Variants in GTF2IRD1 observed in about 807,000 individuals in gnomAD.
GTF2IRD1 encodes the protein GTF2I repeat domain containing 1, also known as general transcription factor II-I repeat domain-containing protein 1.
GTF2IRD1 carries 26 observed loss-of-function variants against 113.2 expected under a neutral mutation model. The observed-to-expected ratio is 0.23, with a 90% CI of 0.17 to 0.32. The LOEUF (loss-of-function observed/expected upper bound fraction) is 0.32, where lower values mean the gene tolerates loss of function less well. Ranked by LOEUF, GTF2IRD1 falls within the 10% of genes least tolerant of loss-of-function variation. GTF2IRD1 has a pLI of 1.00. For missense variants in GTF2IRD1, 864 were observed against 1,280.8 expected (o/e 0.67, Z 4.97); for synonymous variants, 484 against 529.1 (o/e 0.91, Z 1.17).
At chr7:74,579,846 G>C (rs781990377) in intron 22 of GTF2IRD1, among the ~76,000 whole-genome samples, 1 of 152,090 alleles carries the variant, frequency 6.6e-6, no homozygotes, top group South Asian at 2.1e-4. Context: ...GCAGGCTGTG[G>C]TAGGGGATGG....
intron 9 of GTF2IRD1, among the ~76,000 whole-genome samples, chr7:74,534,691 C>T (rs989747844): frequency 2.6e-5 from 4 of 151,694 alleles, no homozygotes; most frequent in Non-Finnish European, 5.9e-5. Flanking sequence ...CCAGCCTGGG[C>T]GACAGAGCAA....
intron 1 of GTF2IRD1, among the ~76,000 whole-genome samples, chr7:74,471,676 AAAAAAAAAAAAAAC>A (rs1362424265): frequency 1.3e-4 from 10 of 79,230 alleles, no homozygotes; most frequent in Admixed American, 4.8e-4. Context: ...AATATTTAAA[AAAAAAAAAAAAAAC>A]AAAAAAAAAA....
chr7:74,461,029 C>A (rs1162999769), intron 1 of GTF2IRD1, among the ~76,000 whole-genome samples: 8 of 152,168 alleles, frequency 5.3e-5, no homozygotes, highest in African/African-American at 1.9e-4. Context: ...ACCTTCCGCC[C>A]GCCTGGGCAG....
intron 1 of GTF2IRD1, among the ~76,000 whole-genome samples, chr7:74,464,503 G>A (rs1554330342): frequency 6.6e-6 from 1 of 152,124 alleles, no homozygotes; most frequent in Non-Finnish European, 1.5e-5. Context: ...CTGGAGTGTA[G>A]TGGTGTGATC....
In GTF2IRD1 at chr7:74,542,683, C is replaced by G. The variant is rs782636969; in HGVS notation, c.1619-2072C>G. 7.2e-5 allele frequency among the ~76,000 whole-genome samples: 11 copies of G among 152,346 alleles called. No homozygotes were observed. The East Asian group carries it at 2.1e-3, about 29-fold the overall frequency. ...GACTTGACAGCAGTCTGTGGCGTAG[C>G]TATCCAGAGAGTTTGGTTGACGCCA... is the stretch of plus-strand genomic sequence containing the variant. On this transcript the variant is annotated intron_variant, in intron 14 of 26. Coordinates refer to ENST00000424337, the MANE Select transcript of GTF2IRD1 (RefSeq NM_005685.4).
Position 74,502,960 on chromosome 7 carries a change from C to T in GTF2IRD1, c.-6-5115C>T, listed in dbSNP as rs563841008. Among the ~76,000 whole-genome samples, 31 of 152,070 alleles carry T rather than the reference C, an allele frequency of 2.0e-4. 1 individual carries two copies. Among genetic ancestry groups the T allele is most frequent in the Admixed American group, 1.2e-3 (19 of 15,266 alleles). On this transcript the variant is annotated intron_variant, in intron 1 of 26. Coordinates refer to ENST00000424337, the MANE Select transcript of GTF2IRD1 (RefSeq NM_005685.4). ...GGCGGGCGGATCACCTGAGGTCAGG[C>T]GTTCGAGACCAGCCTGACCAACATG...
chr7:74,486,336 G>A (rs890478954), intron 1 of GTF2IRD1, among the ~76,000 whole-genome samples: 8 of 152,182 alleles, frequency 5.3e-5, no homozygotes, highest in African/African-American at 1.9e-4. Context: ...TGGTCCAGCC[G>A]CAGGCAGCTG....
Position 74,559,672 on chromosome 7 carries a change from G to C in GTF2IRD1, c.2320+17G>C, listed in dbSNP as rs1554358478. 1 of 1,588,540 alleles carries C rather than the reference G, an allele frequency of 6.3e-7. No individual in the cohort carries two copies. Among genetic ancestry groups the C allele is most frequent in the Non-Finnish European group, 8.6e-7 (1 of 1,167,820 alleles). ...CAAAGCCTGGTAAGAGGCACTGGCT[G>C]TGGAGGGGGCACTGGGAATAGGGCC... On this transcript the variant is annotated intron_variant, in intron 22 of 26. Transcript: ENST00000424337.
At chr7:74,530,079 G>A (rs1033447781) in intron 9 of GTF2IRD1, among the ~76,000 whole-genome samples, 162 bp downstream of exon 9, 2 of 152,090 alleles carry the variant, frequency 1.3e-5, no homozygotes, top group Non-Finnish European at 2.9e-5. Flanking sequence ...GTGTGGTGGT[G>A]GGTGCCTGTA....
chr7:74,553,173 A>T (rs1473461197), intron 17 of GTF2IRD1, among the ~76,000 whole-genome samples: 1 of 150,044 alleles, frequency 6.7e-6, no homozygotes, highest in South Asian at 2.1e-4. Flanking sequence ...GTCTCACTCC[A>T]GGCTGGAGTA....
At chr7:74,503,351 C>T (rs1341975574) in intron 1 of GTF2IRD1, among the ~76,000 whole-genome samples, 5 of 152,134 alleles carry the variant, frequency 3.3e-5, no homozygotes, top group Admixed American at 2.0e-4. Context: ...ATGTGACAGT[C>T]GCTCTTCTAC....
chr7:74,585,116 T>G (rs1801646838), intron 22 of GTF2IRD1, among the ~76,000 whole-genome samples: 1 of 147,812 alleles, frequency 6.8e-6, no homozygotes, highest in African/African-American at 2.5e-5. Context: ...TGGTGTTTTT[T>G]TTTTTTTTTT....
chr7:74,580,342 G>A (rs1201321588), intron 22 of GTF2IRD1, among the ~76,000 whole-genome samples: 2 of 152,034 alleles, frequency 1.3e-5, no homozygotes, highest in Non-Finnish European at 2.9e-5. Flanking sequence ...CCTCTAAACC[G>A]CCCTTGCCCT....
rs113893119 is a variant in GTF2IRD1 at position 74,566,580 on chromosome 7, G to A, written c.2320+6925G>A. ...TGGTCTCGAACTCCTGACCTCAGGC[G>A]ATCCACCCGCCTCGGCTTCCCAAAC... On this transcript the variant is annotated intron_variant, in intron 22 of 26. Transcript: ENST00000424337. 3.1e-4 allele frequency among the ~76,000 whole-genome samples: 47 copies of A among 152,244 alleles called. 1 individual carries two copies. Among genetic ancestry groups the A allele is most frequent in the African/African-American group, 9.9e-4 (41 of 41,546 alleles).
intron 24 of GTF2IRD1, among the ~76,000 whole-genome samples, chr7:74,591,793 C>T (rs1392335945): frequency 6.6e-6 from 1 of 151,594 alleles, no homozygotes; most frequent in African/African-American, 2.4e-5. Flanking sequence ...TGATCATGGC[C>T]CAGTGCAGCC....
At chr7:74,486,806 T>C (rs1176769044) in intron 1 of GTF2IRD1, among the ~76,000 whole-genome samples, 1 of 146,210 alleles carries the variant, frequency 6.8e-6, no homozygotes, top group Non-Finnish European at 1.5e-5. Context: ...ACCATGTCTC[T>C]ACAAAAAAAA....
At chr7:74,477,962 C>A (rs1794520211) in intron 1 of GTF2IRD1, among the ~76,000 whole-genome samples, 1 of 152,198 alleles carries the variant, frequency 6.6e-6, no homozygotes, top group Non-Finnish European at 1.5e-5. Context: ...CCCTGCACTG[C>A]CTGGCCCCAG....
At chr7:74,595,441 A>G (rs1220077380) in intron 25 of GTF2IRD1, among the ~76,000 whole-genome samples, 1 of 151,428 alleles carries the variant, frequency 6.6e-6, no homozygotes, top group Admixed American at 6.6e-5. Context: ...AAAAAAGCAG[A>G]GACACCAGGA....
chr7:74,538,080 G>A (rs1798407689), intron 11 of GTF2IRD1, 56 bp from the exon 12 acceptor site: 2 of 1,576,146 alleles, frequency 1.3e-6, no homozygotes, highest in African/African-American at 1.3e-5. Flanking sequence ...GGCAAGGCTG[G>A]GGCAGGGTGG....
Sources: gnomAD v4.1 joint callset for allele counts (sites outside exome capture counted in the v4.1 genomes callset) on GRCh38, gnomAD v4.1.1 for gene constraint, MANE v1.5 for transcripts, NCBI Gene and HGNC (gene_info 2026-07-23, HGNC 2026-07-21) for gene names.